Variants in CDH13 observed in about 807,000 individuals in gnomAD.
The protein encoded by CDH13 is cadherin 13.
In CDH13, 24 loss-of-function variants were observed where a neutral mutation model predicts 63.8. The observed-to-expected ratio is 0.38, with a 90% confidence interval of 0.27 to 0.53. The LOEUF (loss-of-function observed/expected upper bound fraction) is 0.53, where lower values mean the gene tolerates loss of function less well. CDH13 is among the 20% of genes least tolerant of loss of function. The pLI is 0.85. For synonymous variants in CDH13, 503 were observed against 355.3 expected (o/e 1.42, Z -4.67); for missense variants, 1,049 against 903.1 (o/e 1.16, Z -2.07).
intron 1 of CDH13, among the ~76,000 whole-genome samples, chr16:82,745,314 G>C (rs1048152794): frequency 7.2e-5 from 11 of 152,122 alleles, no homozygotes; most frequent in Non-Finnish European, 1.6e-4. Flanking sequence ...AAGATACAAC[G>C]TGTAACTCAG....
At chr16:83,743,665 A>G (rs1193777099) in intron 10 of CDH13, among the ~76,000 whole-genome samples, 1 of 149,436 alleles carries the variant, frequency 6.7e-6, no homozygotes, top group African/African-American at 2.5e-5. Context: ...AACTTTCATT[A>G]TTTCAAATAT....
chr16:83,312,988 T>A (rs2090033042), intron 5 of CDH13, among the ~76,000 whole-genome samples: 1 of 152,134 alleles, frequency 6.6e-6, no homozygotes, highest in Non-Finnish European at 1.5e-5. Context: ...AGGGAGTCAC[T>A]AGAAGGATCA....
chr16:83,071,818 C>A (rs550853906), intron 3 of CDH13, among the ~76,000 whole-genome samples: 2 of 152,184 alleles, frequency 1.3e-5, no homozygotes, highest in African/African-American at 4.8e-5. Context: ...TGACAGAGTT[C>A]TGAAATAGTT....
chr16:82,776,310 G>C (rs566734094), intron 1 of CDH13, among the ~76,000 whole-genome samples: 1 of 151,986 alleles, frequency 6.6e-6, no homozygotes, highest in South Asian at 2.1e-4. Flanking sequence ...GGAGAGAAAA[G>C]AGAAAAGAAA....
intron 6 of CDH13, among the ~76,000 whole-genome samples, chr16:83,404,832 A>T (rs898031698): frequency 6.6e-6 from 1 of 152,180 alleles, no homozygotes; most frequent in Non-Finnish European, 1.5e-5. Context: ...CACCAACAGG[A>T]TCTGTCGGAC....
chr16:83,385,614 A>G (rs946926092), intron 6 of CDH13, among the ~76,000 whole-genome samples: 9 of 152,182 alleles, frequency 5.9e-5, no homozygotes, highest in Admixed American at 3.3e-4. Flanking sequence ...CACCTATGGC[A>G]TGGGAAAAGG....
At chr16:83,525,920 CA>C (rs1162693755) in intron 7 of CDH13, among the ~76,000 whole-genome samples, 1 of 152,164 alleles carries the variant, frequency 6.6e-6, no homozygotes, top group Non-Finnish European at 1.5e-5. Flanking sequence ...TGGGCAGTCC[CA>C]AGAAGCTGGA....
intron 5 of CDH13, among the ~76,000 whole-genome samples, chr16:83,287,467 T>G (rs2089347355): frequency 6.6e-6 from 1 of 151,772 alleles, no homozygotes; most frequent in African/African-American, 2.4e-5. Flanking sequence ...CCACCTCCTG[T>G]CAGATCAGGG....
intron 1 of CDH13, among the ~76,000 whole-genome samples, chr16:82,791,004 G>A (rs1178301146): frequency 2.0e-5 from 3 of 152,172 alleles, no homozygotes; most frequent in East Asian, 3.9e-4. Flanking sequence ...TTGGGAGGCC[G>A]AGGCGGGCAG....
intron 2 of CDH13, among the ~76,000 whole-genome samples, chr16:83,008,448 A>T (rs1913773859): frequency 6.6e-6 from 1 of 152,194 alleles, no homozygotes; most frequent in Non-Finnish European, 1.5e-5. Flanking sequence ...GGGATTGAGG[A>T]AGAACTAGGA....
intron 5 of CDH13, among the ~76,000 whole-genome samples, chr16:83,303,793 A>C (rs966799786): frequency 7.9e-5 from 12 of 152,124 alleles, no homozygotes; most frequent in Non-Finnish European, 1.8e-4. Flanking sequence ...TTGTGTTCTG[A>C]TCCCCAATAC....
chr16:82,831,162 C>T (rs2038524079), intron 1 of CDH13, among the ~76,000 whole-genome samples: 1 of 152,158 alleles, frequency 6.6e-6, no homozygotes, highest in Admixed American at 6.5e-5. Context: ...TCTACATTTT[C>T]ACAAGATTCC....
At chr16:82,669,251 C>G (rs772418618) in intron 1 of CDH13, among the ~76,000 whole-genome samples, 2 of 152,210 alleles carry the variant, frequency 1.3e-5, no homozygotes, top group African/African-American at 4.8e-5. Flanking sequence ...ATGTTAGATA[C>G]GATGAAGTTC....
intron 6 of CDH13, among the ~76,000 whole-genome samples, chr16:83,477,924 G>C (rs1422401469): frequency 6.6e-6 from 1 of 152,076 alleles, no homozygotes; most frequent in African/African-American, 2.4e-5. Context: ...GCTCATACCT[G>C]TAATCCCAGC....
chr16:82,868,646 G>A (rs2040237598), intron 2 of CDH13, among the ~76,000 whole-genome samples: 1 of 152,204 alleles, frequency 6.6e-6, no homozygotes, highest in Non-Finnish European at 1.5e-5. Flanking sequence ...CAGTAGAATG[G>A]AAGAGATAAA....
intron 1 of CDH13, among the ~76,000 whole-genome samples, chr16:82,694,540 C>G (rs1054196100): frequency 2.0e-5 from 3 of 152,154 alleles, no homozygotes; most frequent in Admixed American, 6.6e-5. Flanking sequence ...GACTATAAAA[C>G]TGAATCTCCC....
intron 8 of CDH13, among the ~76,000 whole-genome samples, chr16:83,663,790 G>A (rs1913669875): frequency 6.6e-6 from 1 of 152,028 alleles, no homozygotes; most frequent in South Asian, 2.1e-4. Context: ...CCTCCCATGG[G>A]CATTAAAAAT....
chr16:83,338,771 G>C (rs1289076532), intron 5 of CDH13, among the ~76,000 whole-genome samples: 1 of 152,214 alleles, frequency 6.6e-6, no homozygotes, highest in Non-Finnish European at 1.5e-5. Flanking sequence ...AGGATGTGAT[G>C]AGTTGGAAGA....
At chr16:83,494,525 C>T (rs2074091933) in intron 7 of CDH13, among the ~76,000 whole-genome samples, 1 of 152,136 alleles carries the variant, frequency 6.6e-6, no homozygotes, top group African/African-American at 2.4e-5. Flanking sequence ...AAATGTTGCT[C>T]CTGCCATATG....
Sources: allele counts gnomAD v4.1 joint callset (sites outside exome capture counted in the v4.1 genomes callset), GRCh38; gene constraint gnomAD v4.1.1; transcripts MANE v1.5; gene names NCBI Gene and HGNC (gene_info 2026-07-23, HGNC 2026-07-21).